Variants in SENP6 observed in about 807,000 individuals in gnomAD.
SENP6 encodes the protein SUMO specific peptidase 6, also known as sentrin-specific protease 6.
A neutral mutation model predicts 134.5 loss-of-function variants in SENP6; 41 were observed. The observed-to-expected ratio is 0.30, with a 90% CI of 0.24 to 0.40. The LOEUF (loss-of-function observed/expected upper bound fraction) is 0.40. SENP6 is among the 10% of genes least tolerant of loss of function. The pLI is 1.00. For synonymous variants in SENP6, 395 were observed against 429.8 expected, an observed-to-expected ratio of 0.92 and a Z score of 1.00; for missense variants, 1,248 against 1,312.5, an observed-to-expected ratio of 0.95 and a Z score of 0.76.
intron 16 of SENP6, among the ~76,000 whole-genome samples, chr6:75,689,681 A>G (rs1434874117): frequency 1.3e-5 from 2 of 152,210 alleles, no homozygotes; most frequent in Non-Finnish European, 2.9e-5. Flanking sequence ...GGGCACACAA[A>G]TAGTTTCCAT....
chr6:75,604,524 G>A (rs939758784), intron 1 of SENP6, among the ~76,000 whole-genome samples: 13 of 150,672 alleles, frequency 8.6e-5, no homozygotes, highest in African/African-American at 2.0e-4. Context: ...CCCAGCTACT[G>A]CGGAGGCTGA....
Position 75,602,452 on chromosome 6 carries a change from G to A in SENP6, c.-73G>A. ...TGCGGCGTCTACCCTCCTCCGGCGC[G>A]GCCCCTCATCCCGGCGAGCACGGCG... is the stretch of plus-strand genomic sequence containing the variant. On this transcript the variant is annotated 5_prime_UTR_variant, in exon 1 of 24. Transcript: ENST00000447266. The A allele has an allele frequency of 6.6e-7, 1 of 1,521,672 alleles. No individual in the cohort carries two copies. Among genetic ancestry groups the A allele is most frequent in the Non-Finnish European group, 8.9e-7 (1 of 1,123,326 alleles). 94.3% of individuals were successfully genotyped at this position (1,521,672 alleles called of 1,614,324 possible).
intron 14 of SENP6, chr6:75,677,985 C>G (rs1773209803): frequency 6.6e-6 from 1 of 152,436 alleles, no homozygotes. Flanking sequence ...CAGAGAAGAG[C>G]TGTAAATATA....
At chr6:75,612,314 A>G (rs1295506236) in intron 1 of SENP6, among the ~76,000 whole-genome samples, 1 of 152,166 alleles carries the variant, frequency 6.6e-6, no homozygotes, top group East Asian at 1.9e-4. Flanking sequence ...GAACATACAC[A>G]TTTAATTCTC....
chr6:75,632,643 T>A (rs958074979), intron 3 of SENP6, among the ~76,000 whole-genome samples: 1 of 152,158 alleles, frequency 6.6e-6, no homozygotes, highest in Non-Finnish European at 1.5e-5. Flanking sequence ...AATGGATTCA[T>A]CTATTCACAG....
chr6:75,634,741 A>C lies in SENP6; in HGVS notation c.388A>C (p.Thr130Pro). 2 of 1,592,010 alleles carry C rather than the reference A, an allele frequency of 1.3e-6. No homozygotes were observed. The highest frequency in any genetic ancestry group is 1.7e-6 in the Non-Finnish European group (2 of 1,174,966). Residue 130 changes from threonine to proline, a missense_variant, in exon 5 of 24, where the codon ACT becomes CCT. Thr to Pro is a conservative substitution (Grantham distance 38). This residue lies in a region of SENP6 where 733 missense variants were observed against 725.4 expected (regional missense o/e 1.01). Coordinates refer to ENST00000447266, the MANE Select transcript of SENP6 (RefSeq NM_015571.4). ...NTQNTSLCSG[T>P]VVHGRRFHHA... is the part of the protein sequence containing the mutation. ...GCAAAATACGTCATTATGTTCTGGA[A>C]CTGTAGTTCATGGTAGACGTTTTCA... is the stretch of plus-strand genomic sequence containing the variant.
At chr6:75,627,823 G>C (rs1768812482) in intron 3 of SENP6, among the ~76,000 whole-genome samples, 1 of 151,920 alleles carries the variant, frequency 6.6e-6, no homozygotes, top group Non-Finnish European at 1.5e-5. Flanking sequence ...TTACAGGCAT[G>C]GTGCCACCAC....
chr6:75,621,888 G>T (rs1021476988), intron 2 of SENP6, among the ~76,000 whole-genome samples: 2 of 152,154 alleles, frequency 1.3e-5, no homozygotes, highest in Admixed American at 6.5e-5. Flanking sequence ...ACAATGGAAG[G>T]CTTCAAAATA....
At chr6:75,603,831 C>A (rs1766821875) in intron 1 of SENP6, among the ~76,000 whole-genome samples, 1 of 151,990 alleles carries the variant, frequency 6.6e-6, no homozygotes, top group Non-Finnish European at 1.5e-5. Flanking sequence ...AAAGTCTTAC[C>A]GTACAAGCCA....
At chr6:75,656,053 A>G (rs62415579) in intron 7 of SENP6, among the ~76,000 whole-genome samples, 2,855 of 152,106 alleles carry the variant, frequency 0.019, 51 homozygotes, top group Admixed American at 0.029. Flanking sequence ...TGTCTCTACT[A>G]AAAATACAAA....
chr6:75,627,629 G>C (rs1447676374), intron 3 of SENP6, among the ~76,000 whole-genome samples: 1 of 152,134 alleles, frequency 6.6e-6, no homozygotes, highest in South Asian at 2.1e-4. Flanking sequence ...GATGTTTTCT[G>C]TCACTAACTT....
At chr6:75,656,193 G>A (rs141104792) in intron 7 of SENP6, among the ~76,000 whole-genome samples, 3,019 of 140,316 alleles carry the variant, frequency 0.022, 110 homozygotes, top group African/African-American at 0.076. Context: ...CAGCCTGGGC[G>A]ACAGAGCAAG....
chr6:75,704,475 C>T (rs1775253686), intron 19 of SENP6, among the ~76,000 whole-genome samples: 1 of 152,218 alleles, frequency 6.6e-6, no homozygotes, highest in Admixed American at 6.5e-5. Flanking sequence ...AGCATTGCTG[C>T]CAACATGTCT....
intron 10 of SENP6, among the ~76,000 whole-genome samples, chr6:75,669,625 A>G (rs1772516374): frequency 6.6e-6 from 1 of 152,194 alleles, no homozygotes; most frequent in South Asian, 2.1e-4. Context: ...TGAAGTGTTT[A>G]TGATAAATTT....
At chr6:75,671,578 C>G (rs118156957) in intron 11 of SENP6, among the ~76,000 whole-genome samples, 11 of 151,976 alleles carry the variant, frequency 7.2e-5, no homozygotes, top group African/African-American at 2.7e-4. Context: ...AAAAATTAGC[C>G]GGGGGCAGTG....
chr6:75,619,123 G>C (rs1167437631), intron 1 of SENP6, among the ~76,000 whole-genome samples: 1 of 150,360 alleles, frequency 6.7e-6, no homozygotes, highest in Non-Finnish European at 1.5e-5. Flanking sequence ...GCAGTTCATT[G>C]GTATTAAGTA....
chr6:75,628,740 G>A (rs1489637491), intron 3 of SENP6, among the ~76,000 whole-genome samples: 2 of 152,078 alleles, frequency 1.3e-5, no homozygotes, highest in African/African-American at 4.8e-5. Flanking sequence ...TTTTATTTGA[G>A]ACAGAATCTC....
At chr6:75,644,236 G>T (rs1770249141) in intron 6 of SENP6, 1 of 151,910 alleles carries the variant, frequency 6.6e-6, no homozygotes, top group South Asian at 2.1e-4. Context: ...AAAGGATGTA[G>T]TTACATCAAA....
At chr6:75,661,078 C>T (rs562269768) in intron 8 of SENP6, among the ~76,000 whole-genome samples, 2 of 152,148 alleles carry the variant, frequency 1.3e-5, no homozygotes, top group East Asian at 1.9e-4. Flanking sequence ...TATTGTTTCT[C>T]GGCCTTCTCA....
Sources: allele counts gnomAD v4.1 joint callset (sites outside exome capture counted in the v4.1 genomes callset), GRCh38; gene constraint gnomAD v4.1.1; regional missense constraint gnomAD v4.1.1; transcripts MANE v1.5; gene names NCBI Gene and HGNC (gene_info 2026-07-23, HGNC 2026-07-21).